Variants in TBCD observed in about 807,000 individuals in gnomAD.
The protein encoded by TBCD is tubulin-specific chaperone D.
In TBCD, 105 loss-of-function variants were observed where a neutral mutation model predicts 169.3. The ratio of observed to expected loss-of-function variants is 0.62; its 90% confidence interval spans 0.53 to 0.73. TBCD has a LOEUF of 0.73. Ranked by LOEUF, TBCD falls within the 30% of genes least tolerant of loss-of-function variation. The probability of loss-of-function intolerance (pLI) is 0.00; values close to 1 mark genes in which losing one functional copy is unlikely to be tolerated. For missense variants in TBCD, 1,444 were observed against 1,600.1 expected (o/e 0.90, Z 1.66); for synonymous variants, 700 against 643.9 (o/e 1.09, Z -1.32).
At position 82,870,281 on chromosome 17, in the gene TBCD, T is replaced by C. The variant is rs2057464422; in HGVS notation, c.1376T>C (p.Val459Ala). 6.2e-7 allele frequency: 1 copy of C among 1,613,604 alleles called. No homozygotes were observed. The highest frequency in any genetic ancestry group is 8.5e-7 in the Non-Finnish European group (1 of 1,179,858). Residue 459 changes from valine to alanine, a missense_variant, in exon 14 of 39, where the codon GTG becomes GCG. Physicochemically the swap from Val to Ala is moderately conservative, Grantham distance 64. Coordinates refer to ENST00000355528, the MANE Select transcript of TBCD (RefSeq NM_005993.5). ...GACGAGAAGCGGGGTGCCTGCAGCG[T>C]GGGCACCAACGTCAGGGACGCCGCC... ...TYDEKRGACS[V>A]GTNVRDAACY... is the part of the protein sequence containing the mutation.
intron 2 of TBCD, among the ~76,000 whole-genome samples, chr17:82,762,775 T>C (rs1598394252): frequency 6.6e-6 from 1 of 151,942 alleles, no homozygotes; most frequent in Admixed American, 6.6e-5. Flanking sequence ...GTGTGACTCA[T>C]CACCTGCCAT....
At chr17:82,752,545 A>G (rs2047156742) in intron 1 of TBCD, among the ~76,000 whole-genome samples, 168 bp downstream of exon 1, 1 of 151,804 alleles carries the variant, frequency 6.6e-6, no homozygotes, top group Non-Finnish European at 1.5e-5. Flanking sequence ...TAGGCGGGAG[A>G]GGGCCACCCC....
At chr17:82,773,699 TG>T (rs202210976) in intron 6 of TBCD, among the ~76,000 whole-genome samples, 2,676 of 151,902 alleles carry the variant, frequency 0.018, 41 homozygotes, top group Non-Finnish European at 0.028. Flanking sequence ...CGAGATGACC[TG>T]GTGCGAGAGT....
At position 82,830,424 on chromosome 17, in the gene TBCD, C is replaced by G. The variant is rs1287565426; in HGVS notation, c.1318+15490C>G. The G allele has an allele frequency of 2.5e-6, 4 of 1,611,704 alleles. No homozygotes were observed. The Admixed American group carries it at 5.0e-5, about 20-fold the overall frequency. ...ACAGGGCCACGGCTGCCGTCTGCTT[C>G]TGCTCCTCGCTGCTGTCCACCGCGC... On this transcript the variant is annotated intron_variant, in intron 13 of 38. Coordinates refer to ENST00000355528, the MANE Select transcript of TBCD (RefSeq NM_005993.5).
chr17:82,916,985 T>G (rs1411569118), intron 23 of TBCD, among the ~76,000 whole-genome samples: 1 of 151,932 alleles, frequency 6.6e-6, no homozygotes, highest in Non-Finnish European at 1.5e-5. Context: ...CCTCTGGTTT[T>G]GTCTTATTCA....
Position 82,922,475 on chromosome 17 carries a change from T to A in TBCD, c.2178+898T>A, listed in dbSNP as rs1314072889. ...TTTAGGTGTCTTGTAATTCTCTGAC[T>A]TCCTCCATGCTTAGCATTTCTTTTT... is the stretch of plus-strand genomic sequence containing the variant. On this transcript the variant is annotated intron_variant, in intron 25 of 38. Transcript: ENST00000355528. This position sits in a 1 kb window ranked among gnomAD's most constrained non-coding sequence, Gnocchi z 4.1. Among the ~76,000 whole-genome samples the A allele has an allele frequency of 1.3e-5, 2 of 152,232 alleles. No homozygotes were observed. The highest frequency in any genetic ancestry group is 4.8e-5 in the African/African-American group (2 of 41,460).
chr17:82,763,849 C>G, intron 2 of TBCD, 116 bp from the exon 3 acceptor site: 1 of 789,578 alleles, frequency 1.3e-6, no homozygotes, highest in East Asian at 2.7e-5. Flanking sequence ...AAATGATCCT[C>G]CCACCTTGGT....
intron 16 of TBCD, chr17:82,893,240 T>G (rs1599295744): frequency 2.5e-6 from 1 of 397,130 alleles, no homozygotes; most frequent in Non-Finnish European, 4.6e-6. Context: ...CCGTTTACGG[T>G]GTATGTTTTC....
intron 7 of TBCD, among the ~76,000 whole-genome samples, chr17:82,793,329 G>C (rs1245560120): frequency 6.6e-6 from 1 of 152,212 alleles, no homozygotes; most frequent in Non-Finnish European, 1.5e-5. Flanking sequence ...GCCCCGCCTT[G>C]AGGACAAGCT....
chr17:82,893,551 C>G lies in TBCD; in HGVS notation c.1568C>G (p.Thr523Ser). Residue 523 changes from threonine to serine, a missense_variant, in exon 17 of 39, where the codon ACT (threonine) becomes AGT (serine). Physicochemically the swap from Thr to Ser is moderately conservative, Grantham distance 58. Transcript: ENST00000355528. ...CCATTTCCACTTTCTTATTAGGGCA[C>G]TTTCCCTCATGGTATTGATATTTTG... ...AFQENVGRQG[T>S]FPHGIDILTT... 6.2e-7 allele frequency: 1 copy of G among 1,607,188 alleles called. No homozygotes were observed. The highest frequency in any genetic ancestry group is 8.5e-7 in the Non-Finnish European group (1 of 1,177,182).
chr17:82,761,035 C>T (rs1344588483), intron 2 of TBCD, among the ~76,000 whole-genome samples: 1 of 151,938 alleles, frequency 6.6e-6, no homozygotes, highest in Non-Finnish European at 1.5e-5. Context: ...TCTTGGCTCA[C>T]TGCAACCTCC....
intron 17 of TBCD, among the ~76,000 whole-genome samples, chr17:82,898,633 T>TG (rs1249322890): frequency 4.9e-4 from 1 of 2,028 alleles, no homozygotes; most frequent in Non-Finnish European, 9.6e-3. Context: ...GTTGCGGTTG[T>TG]TTTTTCAGAT....
intron 15 of TBCD, among the ~76,000 whole-genome samples, chr17:82,887,530 A>G (rs1033823595): frequency 2.0e-5 from 3 of 152,112 alleles, no homozygotes; most frequent in East Asian, 1.9e-4. Flanking sequence ...GTGACCATTC[A>G]TGTATTACGA....
intron 18 of TBCD, among the ~76,000 whole-genome samples, chr17:82,901,120 G>A (rs1168214086): frequency 2.0e-5 from 3 of 152,260 alleles, no homozygotes; most frequent in Non-Finnish European, 2.9e-5. Flanking sequence ...TGTCTCCTGG[G>A]AGCCCAGCAG....
chr17:82,804,142 C>T (rs1428810064), intron 9 of TBCD, among the ~76,000 whole-genome samples: 1 of 146,666 alleles, frequency 6.8e-6, no homozygotes, highest in African/African-American at 2.5e-5. Context: ...CTGGGGTGTG[C>T]CTGCCTGTGG....
In TBCD at chr17:82,889,498, C is replaced by T. The variant is rs7210905; in HGVS notation, c.1534-170C>T. Among the ~76,000 whole-genome samples the T allele has an allele frequency of 0.013, 1,987 of 152,224 alleles. 58 individuals carry two copies. The highest frequency in any genetic ancestry group is 0.045 in the African/African-American group (1,888 of 41,518). On this transcript the variant is annotated intron_variant, in intron 15 of 38. Coordinates refer to ENST00000355528, the MANE Select transcript of TBCD (RefSeq NM_005993.5). This position sits in a 1 kb window ranked among gnomAD's most constrained non-coding sequence, Gnocchi z 5.3. ...ATTGTGGTTTTAAAGAGCACCAGGA[C>T]GTAAAAACAGAGTGACGCACCTTGA...
intron 17 of TBCD, among the ~76,000 whole-genome samples, chr17:82,898,119 G>A (rs1319932586): frequency 3.1e-5 from 4 of 128,304 alleles, no homozygotes; most frequent in East Asian, 2.3e-4. Flanking sequence ...TGTTCTCCCC[G>A]GCTGGTTTTC....
intron 13 of TBCD, among the ~76,000 whole-genome samples, chr17:82,845,298 G>A (rs1418178751): frequency 1.4e-5 from 2 of 147,360 alleles, no homozygotes; most frequent in Non-Finnish European, 3.0e-5. Flanking sequence ...CTTCCTCTCC[G>A]TCCATCCTGT....
intron 13 of TBCD, chr17:82,839,054 TAAC>T (rs1351620092): frequency 1.1e-6 from 1 of 876,750 alleles, no homozygotes; most frequent in Admixed American, 6.2e-5. Flanking sequence ...CAGAAGACCT[TAAC>T]AACCAAACAG....
Sources: gnomAD v4.1 joint callset for allele counts (sites outside exome capture counted in the v4.1 genomes callset) on GRCh38, gnomAD v4.1.1 for gene constraint, Gnocchi (gnomAD v3.1) non-coding constraint, MANE v1.5 for transcripts, NCBI Gene and HGNC (gene_info 2026-07-23, HGNC 2026-07-21) for gene names.